The following RGPD4 variants were observed in gnomAD, a reference collection of about 807,000 sequenced individuals.
RGPD4 encodes the protein RANBP2 like and GRIP domain containing 4, also known as ranBP2-like and GRIP domain-containing protein 4.
Under a neutral mutation model 141.1 loss-of-function variants are expected in RGPD4, and 84 were observed. The observed-to-expected ratio is 0.60, with a 90% CI of 0.50 to 0.71. RGPD4 has a LOEUF of 0.71. Among genes scored for constraint, RGPD4 ranks in the 30% least tolerant of loss-of-function variants. RGPD4 has a pLI of 0.00. For synonymous variants in RGPD4, 298 were observed against 566.8 expected, an observed-to-expected ratio of 0.53 and a Z score of 6.74; for missense variants, 918 against 1,622.4, an observed-to-expected ratio of 0.57 and a Z score of 7.46.
At chr2:107,829,821 A>G (rs2581035) in intron 1 of RGPD4, among the ~76,000 whole-genome samples, 253 of 149,348 alleles carry the variant, frequency 1.7e-3, no homozygotes, top group African/African-American at 5.2e-3. Context: ...GTACCCGCGC[A>G]GCCTGGTTCT....
chr2:107,834,049 G>T lies in RGPD4; in HGVS notation c.73-2553G>T, dbSNP rs910596500. Among the ~76,000 whole-genome samples, 168 of 151,054 alleles carry T rather than the reference G, an allele frequency of 1.1e-3. 2 individuals are homozygous for T. The highest frequency in any genetic ancestry group is 3.7e-3 in the African/African-American group (152 of 41,030). On this transcript the variant is annotated intron_variant, in intron 1 of 22. Coordinates refer to ENST00000408999, the MANE Select transcript of RGPD4 (RefSeq NM_182588.3). ...GGGGGAACAAGCCTTGTTCCTATAC[G>T]TGCTGTCCTGACTGTTGTGTATTAT...
rs1039195236 is a variant in RGPD4, at chr2:107,836,456, T to C, written c.73-146T>C. ...TAGGAAATTATAAAACATGGAATTATGCATTTGTCAGGCTTTAAAAAAAAT... is the reference window on the plus strand; with the variant it reads ...TAGGAAATTATAAAACATGGAATTACGCATTTGTCAGGCTTTAAAAAAAAT... On this transcript the variant is annotated intron_variant, in intron 1 of 22. Coordinates refer to ENST00000408999, the MANE Select transcript of RGPD4 (RefSeq NM_182588.3). 14 of 592,914 alleles carry C rather than the reference T, an allele frequency of 2.4e-5. No individual in the cohort carries two copies. The Admixed American group carries it at 3.9e-4, about 17-fold the overall frequency. 36.7% of individuals were successfully genotyped at this position (592,914 alleles called of 1,614,324 possible).
intron 22 of RGPD4, among the ~76,000 whole-genome samples, chr2:107,888,895 G>A (rs530396434): frequency 1.4e-5 from 2 of 142,120 alleles, no homozygotes; most frequent in Non-Finnish European, 3.0e-5. Context: ...GCAGCCCTGT[G>A]AGAGACCTTG....
chr2:107,880,934 C>G (rs571769266), intron 21 of RGPD4, among the ~76,000 whole-genome samples: 1 of 151,814 alleles, frequency 6.6e-6, no homozygotes, highest in African/African-American at 2.4e-5. Context: ...AGTCATACTG[C>G]TTGTTGAGGA....
At chr2:107,882,347 C>T (rs1002612039) in intron 21 of RGPD4, among the ~76,000 whole-genome samples, 2 of 151,862 alleles carry the variant, frequency 1.3e-5, no homozygotes, top group Non-Finnish European at 1.5e-5. Flanking sequence ...TTCCTTCCAA[C>T]CCAAATAGCT....
Position 107,870,882 on chromosome 2 carries a change from G to A in RGPD4, c.2878G>A (p.Gly960Ser). 1 of 1,609,928 alleles carries A rather than the reference G, an allele frequency of 6.2e-7. No homozygotes were observed. The highest frequency in any genetic ancestry group is 8.5e-7 in the Non-Finnish European group (1 of 1,179,012). ...TATTAGTGGCCAGAAGAATGGCCGT[G>A]GTGTGATTTTTGGCCAAACAAGTAG... Reference protein sequence around the residue: ...QDISGQKNGRGVIFGQTSSTF... With the variant: ...QDISGQKNGRSVIFGQTSSTF... Residue 960 changes from glycine to serine, a missense_variant, in exon 20 of 23, where the codon GGT (glycine) becomes AGT (serine). Coordinates refer to ENST00000408999, the MANE Select transcript of RGPD4 (RefSeq NM_182588.3).
intron 7 of RGPD4, among the ~76,000 whole-genome samples, chr2:107,851,304 G>A (rs1682109228): frequency 1.3e-5 from 1 of 77,232 alleles, no homozygotes; most frequent in African/African-American, 5.8e-5. Context: ...TAAAGACAAG[G>A]TCTTGCTATG....
chr2:107,840,425 G>A (rs1190695468), intron 4 of RGPD4, among the ~76,000 whole-genome samples: 2 of 152,384 alleles, frequency 1.3e-5, no homozygotes, highest in South Asian at 4.1e-4. Flanking sequence ...CAATTCTCCT[G>A]CCTCAGCCTT....
At chr2:107,888,409 T>C (rs763561819) in intron 22 of RGPD4, among the ~76,000 whole-genome samples, 98 of 151,832 alleles carry the variant, frequency 6.5e-4, no homozygotes, top group African/African-American at 2.3e-3. Context: ...TACAGTCATC[T>C]GGTTCTCTTT....
At chr2:107,888,476 T>A (rs1169785029) in intron 22 of RGPD4, among the ~76,000 whole-genome samples, 19 of 150,908 alleles carry the variant, frequency 1.3e-4, no homozygotes, top group Admixed American at 1.3e-3. Flanking sequence ...AAGTTGTCCA[T>A]CCCTAAGCAA....
chr2:107,871,764 T>G lies in RGPD4; in HGVS notation c.3760T>G (p.Leu1254Val). The change falls in exon 20 of 23, where the codon TTA (leucine) becomes GTA (valine). Residue 1254 changes from leucine to valine, a missense_variant. Transcript: ENST00000408999. ...GPTLEWDNCDLREDALDDSVS... is the reference protein window; with the variant it reads ...GPTLEWDNCDVREDALDDSVS... ...CACATTAGAATGGGATAACTGTGAT[T>G]TAAGGGAAGATGCTTTGGATGATAG... 1 of 1,611,344 alleles carries G rather than the reference T, an allele frequency of 6.2e-7. No individual in the cohort carries two copies. The highest frequency in any genetic ancestry group is 1.1e-5 in the South Asian group (1 of 90,978).
At chr2:107,829,590 C>G (rs1011455366) in intron 1 of RGPD4, among the ~76,000 whole-genome samples, 20 of 149,808 alleles carry the variant, frequency 1.3e-4, no homozygotes, top group Non-Finnish European at 2.9e-5. Context: ...TGGCTCCCGA[C>G]GGGCGCTGCT....
chr2:107,881,324 T>G (rs1375635004), intron 21 of RGPD4, among the ~76,000 whole-genome samples: 3 of 147,646 alleles, frequency 2.0e-5, no homozygotes, highest in Non-Finnish European at 3.0e-5. Context: ...ATGTTATATT[T>G]TCTTTTTTTT....
chr2:107,869,737 A>G, intron 18 of RGPD4, 146 bp from the exon 19 acceptor site: 1 of 536,232 alleles, frequency 1.9e-6, no homozygotes, highest in East Asian at 2.9e-5. Context: ...TGATTGGTGT[A>G]TTTTGATGTA....
intron 11 of RGPD4, 50 bp downstream of exon 11, chr2:107,859,604 C>T (rs750126563): frequency 4.3e-6 from 7 of 1,611,332 alleles, no homozygotes; most frequent in Non-Finnish European, 5.9e-6. Flanking sequence ...TAGGTTTTAC[C>T]AGGGATTTAA....
chr2:107,827,716 CG>C, intron 1 of RGPD4, among the ~76,000 whole-genome samples: 1 of 57,360 alleles, frequency 1.7e-5, no homozygotes, highest in Non-Finnish European at 3.6e-5. Flanking sequence ...GGACCTGGCC[CG>C]GCGGCGGCCT....
chr2:107,869,312 G>A lies in RGPD4; in HGVS notation c.2606-571G>A, dbSNP rs563011704. Among the ~76,000 whole-genome samples the A allele has an allele frequency of 2.4e-3, 171 of 71,580 alleles. 61 individuals are homozygous for A. Among genetic ancestry groups the A allele is most frequent in the African/African-American group, 9.4e-3 (154 of 16,372 alleles). The allele number at this position is 71,580 out of a possible 152,430, so 47.0% of individuals were successfully genotyped here. A position where few individuals can be genotyped will look rare whatever the true frequency, so the allele number is the denominator to read the frequency against. The stretch of plus-strand genomic sequence containing the variant: ...TGGTAAAACAGACCAAACAGAGGGA[G>A]CAGACAGTTTGTACATCTGTATGAG... On this transcript the variant is annotated intron_variant, in intron 18 of 22. Coordinates refer to ENST00000408999, the MANE Select transcript of RGPD4 (RefSeq NM_182588.3).
intron 6 of RGPD4, among the ~76,000 whole-genome samples, chr2:107,844,921 T>C (rs1659914): frequency 0.64 from 71,250 of 111,220 alleles, 23,350 homozygotes; most frequent in Middle Eastern, 0.73. Context: ...CTGTAACCTC[T>C]GCCTCCCGGG....
intron 15 of RGPD4, 71 bp downstream of exon 15, chr2:107,861,811 T>C: frequency 2.5e-6 from 4 of 1,592,904 alleles, no homozygotes; most frequent in Non-Finnish European, 1.7e-6. Flanking sequence ...GTTGGTCTTA[T>C]ATTTTGGTAA....
Sources: allele counts gnomAD v4.1 joint callset (sites outside exome capture counted in the v4.1 genomes callset), GRCh38; gene constraint gnomAD v4.1.1; transcripts MANE v1.5; gene names NCBI Gene and HGNC (gene_info 2026-07-23, HGNC 2026-07-21).